Variants in TRDN observed in about 807,000 individuals in gnomAD.
TRDN encodes triadin.
TRDN carries 161 observed loss-of-function variants against 149.7 expected under a neutral mutation model. The ratio of observed to expected loss-of-function variants is 1.08; its 90% confidence interval spans 0.95 to 1.23. TRDN has a LOEUF of 1.23. Ranked by LOEUF, TRDN falls within the 50% of genes most tolerant of loss-of-function variation. The pLI is 0.00. For missense variants in TRDN, 896 were observed against 823.5 expected (o/e 1.09, Z -1.08); for synonymous variants, 294 against 250.5 (o/e 1.17, Z -1.64).
At chr6:123,324,272 T>C (rs988807780) in intron 23 of TRDN, among the ~76,000 whole-genome samples, 1 of 152,108 alleles carries the variant, frequency 6.6e-6, no homozygotes, top group Non-Finnish European at 1.5e-5. Flanking sequence ...TGTTCAAAAA[T>C]GTAAAAATAA....
At chr6:123,394,943 A>G (rs1772657397) in intron 12 of TRDN, among the ~76,000 whole-genome samples, 3 of 152,236 alleles carry the variant, frequency 2.0e-5, no homozygotes, top group Middle Eastern at 6.8e-3. Context: ...GTAATTATAT[A>G]TAACTGACAT....
chr6:123,330,886 A>G (rs1779635933), intron 23 of TRDN, among the ~76,000 whole-genome samples: 1 of 151,938 alleles, frequency 6.6e-6, no homozygotes, highest in Non-Finnish European at 1.5e-5. Flanking sequence ...ACCCCAATCC[A>G]TGCTTATGTA....
chr6:123,500,196 A>C (rs1346788359), intron 8 of TRDN, among the ~76,000 whole-genome samples: 1 of 152,168 alleles, frequency 6.6e-6, no homozygotes, highest in Non-Finnish European at 1.5e-5. Context: ...TGTTATATGT[A>C]AATAGTGCTG....
rs1777147547 is a variant in TRDN at position 123,269,871 on chromosome 6, G to A, written c.1721-5C>T. 1 of 1,610,052 alleles carries A rather than the reference G, an allele frequency of 6.2e-7. No individual in the cohort carries two copies. Among genetic ancestry groups the A allele is most frequent in the East Asian group, 2.2e-5 (1 of 44,626 alleles). ...TACTTGTTGGTTTGGGCTTGGCTGT[G>A]GAGAATGGAGGCAAGCACATGGCAT... On this transcript the variant is annotated splice_region_variant and splice_polypyrimidine_tract_variant and intron_variant, in intron 30 of 40. Transcript: ENST00000334268.
Position 123,491,220 on chromosome 6 carries a change from A to G in TRDN, c.853+5973T>C, listed in dbSNP as rs80055950. On this transcript the variant is annotated intron_variant, in intron 9 of 40. Coordinates refer to ENST00000334268, the MANE Select transcript of TRDN (RefSeq NM_006073.4). ...CTTTTCAACAAAATTATGGACCATC[A>G]AGGTTTATAAAAATTAAAGTACTAC... Among the ~76,000 whole-genome samples, 516 of 152,214 alleles carry G rather than the reference A, an allele frequency of 3.4e-3. 23 individuals carry two copies. The East Asian group carries it at 0.091, about 27-fold the overall frequency.
intron 19 of TRDN, among the ~76,000 whole-genome samples, chr6:123,371,408 T>G (rs1781323441): frequency 6.6e-6 from 1 of 152,170 alleles, no homozygotes; most frequent in Admixed American, 6.5e-5. Context: ...ATTGGGAAAT[T>G]TGTTTATATC....
intron 12 of TRDN, among the ~76,000 whole-genome samples, chr6:123,398,082 G>C (rs954436498): frequency 6.6e-6 from 1 of 152,218 alleles, no homozygotes; most frequent in Non-Finnish European, 1.5e-5. Flanking sequence ...TTGGCTCACT[G>C]CAACCTCCGC....
At chr6:123,286,141 A>G (rs1280648872) in intron 24 of TRDN, among the ~76,000 whole-genome samples, 3 of 152,136 alleles carry the variant, frequency 2.0e-5, no homozygotes, top group African/African-American at 4.8e-5. Flanking sequence ...TAAAAGTAGA[A>G]CTATCATTTG....
At chr6:123,221,571 T>TTATATAAATA in intron 39 of TRDN, 49 bp from the exon 40 acceptor site, 1 of 1,259,880 alleles carries the variant, frequency 7.9e-7, no homozygotes. Context: ...TTTACAACTT[T>TTATATAAATA]TATATAAATA....
At position 123,266,390 on chromosome 6, in the gene TRDN, TATG is replaced by T. The variant is rs1410244394; in HGVS notation, c.1784-1055_1784-1053del. Among the ~76,000 whole-genome samples the T allele has an allele frequency of 1.3e-3, 143 of 108,430 alleles. 4 individuals carry two copies. The highest frequency in any genetic ancestry group is 2.1e-3 in the Non-Finnish European group (125 of 60,746). 71.1% of individuals were successfully genotyped at this position (108,430 alleles called of 152,430 possible). ...TATGTATTATATATAATATATATAT[TATG>T]ATATGTATTATATATAATATATAGA... On this transcript the variant is annotated intron_variant, in intron 32 of 40. Transcript: ENST00000334268.
chr6:123,252,327 A>C, intron 38 of TRDN, 85 bp downstream of exon 38: 1 of 893,606 alleles, frequency 1.1e-6, no homozygotes. Flanking sequence ...TGAACACTTC[A>C]AAAATAAAAA....
chr6:123,506,172 C>G (rs1246357561), intron 7 of TRDN, among the ~76,000 whole-genome samples: 1 of 152,112 alleles, frequency 6.6e-6, no homozygotes, highest in Non-Finnish European at 1.5e-5. Flanking sequence ...AACTCATTCA[C>G]CTAAAAAACA....
intron 9 of TRDN, among the ~76,000 whole-genome samples, chr6:123,490,312 C>G (rs1454374411): frequency 1.3e-5 from 2 of 151,998 alleles, no homozygotes; most frequent in Non-Finnish European, 2.9e-5. Flanking sequence ...ATCTGAAAAC[C>G]GAGATACCTA....
chr6:123,570,623 C>A (rs991981071), intron 2 of TRDN, among the ~76,000 whole-genome samples: 2 of 152,096 alleles, frequency 1.3e-5, no homozygotes, highest in African/African-American at 4.8e-5. Context: ...CAGTTCCAAA[C>A]GAAATCTTCA....
chr6:123,452,681 G>A (rs1036834079), intron 10 of TRDN, among the ~76,000 whole-genome samples: 7 of 152,120 alleles, frequency 4.6e-5, no homozygotes, highest in African/African-American at 1.2e-4. Flanking sequence ...ACTGCCAAAA[G>A]CAATCTGCAA....
chr6:123,377,565 T>TTA, intron 18 of TRDN, 151 bp downstream of exon 18: 1 of 840,738 alleles, frequency 1.2e-6, no homozygotes, highest in Non-Finnish European at 1.9e-6. Context: ...TGCATTGATG[T>TTA]TATGTCCATG....
chr6:123,481,451 C>A (rs536987572), intron 9 of TRDN, among the ~76,000 whole-genome samples: 1 of 151,174 alleles, frequency 6.6e-6, no homozygotes, highest in East Asian at 1.9e-4. Flanking sequence ...TGGCAGGGAC[C>A]CTCTGTTTTT....
At chr6:123,438,266 A>T (rs747882439) in intron 11 of TRDN, 144 bp from the exon 12 acceptor site, 38 of 626,156 alleles carry the variant, frequency 6.1e-5, no homozygotes, top group Non-Finnish European at 9.5e-5. Flanking sequence ...AATATGAATA[A>T]GGTAGCACCT....
intron 1 of TRDN, among the ~76,000 whole-genome samples, chr6:123,608,605 T>C (rs1462399325): frequency 6.6e-6 from 1 of 152,132 alleles, no homozygotes; most frequent in Non-Finnish European, 1.5e-5. Context: ...TAAACCTCAA[T>C]CTCATTATGC....
Sources: allele counts gnomAD v4.1 joint callset (sites outside exome capture counted in the v4.1 genomes callset), GRCh38; gene constraint gnomAD v4.1.1; transcripts MANE v1.5; gene names NCBI Gene and HGNC (gene_info 2026-07-23, HGNC 2026-07-21).